The following RIMBP2 variants were observed in gnomAD, a reference collection of about 807,000 sequenced individuals.
The protein encoded by RIMBP2 is RIMS-binding protein 2.
A neutral mutation model predicts 118.6 loss-of-function variants in RIMBP2; 48 were observed. That is an observed-to-expected ratio of 0.40 (90% CI 0.32 to 0.51). The LOEUF (loss-of-function observed/expected upper bound fraction) is 0.51. Ranked by LOEUF, RIMBP2 falls within the 20% of genes least tolerant of loss-of-function variation. The pLI is 0.41. For missense variants in RIMBP2, 1,551 were observed against 1,768.3 expected (o/e 0.88, Z 2.20); for synonymous variants, 762 against 742.9 (o/e 1.03, Z -0.42).
Position 130,431,438 on chromosome 12 carries a change from C to G in RIMBP2, c.2254-3101G>C. The stretch of plus-strand genomic sequence containing the variant: ...CCACTGTCATGATGCGTCACCTAGC[C>G]AGACGCCATCTGTATGATTAATGAA... On this transcript the variant is annotated intron_variant, in intron 14 of 22. Coordinates refer to ENST00000690449, the MANE Select transcript of RIMBP2 (RefSeq NM_001393629.1). The surrounding 1 kb of genome is among the most constrained non-coding windows in gnomAD (Gnocchi z 4.0). 1 of 416,722 alleles carries G rather than the reference C, an allele frequency of 2.4e-6. No individual in the cohort carries two copies. The highest frequency in any genetic ancestry group is 1.8e-5 in the South Asian group (1 of 57,048). The allele number at this position is 416,722 out of a possible 1,614,324, so 25.8% of individuals were successfully genotyped here.
In RIMBP2 at chr12:130,454,656, C is replaced by T. The variant is rs566937973; in HGVS notation, c.358+1840G>A. On this transcript the variant is annotated intron_variant, in intron 7 of 22. Coordinates refer to ENST00000690449, the MANE Select transcript of RIMBP2 (RefSeq NM_001393629.1). ...GGTGCAAACCTTCTTCTCTGCCAGGCGGCCCTGGCTTAGTAAAGGCATGGT... is the reference window on the plus strand; with the variant it reads ...GGTGCAAACCTTCTTCTCTGCCAGGTGGCCCTGGCTTAGTAAAGGCATGGT... Among the ~76,000 whole-genome samples the T allele has an allele frequency of 2.0e-4, 31 of 152,394 alleles. No individual in the cohort carries two copies. The South Asian group carries it at 5.8e-3, about 28-fold the overall frequency.
chr12:130,506,906 C>CCCAGTCCATGA, intron 3 of RIMBP2, 136 bp from the exon 4 acceptor site: 1 of 626,834 alleles, frequency 1.6e-6, no homozygotes, highest in Non-Finnish European at 2.0e-6. Flanking sequence ...CCATCATGGA[C>CCCAGTCCATGA]TGGGTCCACT....
In RIMBP2 at chr12:130,442,730, C is replaced by A. The variant is rs2078231556; in HGVS notation, c.692-70G>T. Reference sequence around the variant, plus strand: ...GGGCCTCGAGGCCCCCAGTGTACTCCCACCTCCCCCACCAGGACCATAAGG... The same window carrying A: ...GGGCCTCGAGGCCCCCAGTGTACTCACACCTCCCCCACCAGGACCATAAGG... On this transcript the variant is annotated intron_variant, in intron 10 of 22. Coordinates refer to ENST00000690449, the MANE Select transcript of RIMBP2 (RefSeq NM_001393629.1). This position sits in a 1 kb window ranked among gnomAD's most constrained non-coding sequence, Gnocchi z 6.9. The A allele has an allele frequency of 3.1e-6, 4 of 1,271,638 alleles. No individual in the cohort carries two copies. In the South Asian group the frequency reaches 5.6e-5, roughly 18 times the overall value. 78.8% of individuals were successfully genotyped at this position (1,271,638 alleles called of 1,614,324 possible).
intron 1 of RIMBP2, among the ~76,000 whole-genome samples, chr12:130,700,099 C>G (rs904671489): frequency 3.9e-5 from 6 of 152,078 alleles, no homozygotes; most frequent in Non-Finnish European, 8.8e-5. Context: ...CCCTCCCCAG[C>G]CACCCAACTG....
intron 2 of RIMBP2, among the ~76,000 whole-genome samples, chr12:130,536,745 T>C (rs2054120611): frequency 6.6e-6 from 1 of 152,220 alleles, no homozygotes; most frequent in Non-Finnish European, 1.5e-5. Flanking sequence ...TTCTCTCAAC[T>C]GTGGGCTGGA....
chr12:130,424,482 G>C lies in RIMBP2; in HGVS notation c.2789C>G (p.Ser930Trp), dbSNP rs546827584. 150 of 1,232,000 alleles carry C rather than the reference G, an allele frequency of 1.2e-4. No individual in the cohort carries two copies. Among genetic ancestry groups the C allele is most frequent in the Non-Finnish European group, 1.5e-4 (144 of 987,866 alleles). The allele number at this position is 1,232,000 out of a possible 1,614,324, so 76.3% of individuals were successfully genotyped here. A position where few individuals can be genotyped will look rare whatever the true frequency, so the allele number is the denominator to read the frequency against. Residue 930 changes from serine to tryptophan, a missense_variant, in exon 16 of 23, where the codon TCG (serine) becomes TGG (tryptophan). Physicochemically the swap from Ser to Trp is radical, Grantham distance 177. This residue lies in a region of RIMBP2 where 1,038 missense variants were observed against 1,125.1 expected (regional missense o/e 0.92). Coordinates refer to ENST00000690449, the MANE Select transcript of RIMBP2 (RefSeq NM_001393629.1). This position sits in a 1 kb window ranked among gnomAD's most constrained non-coding sequence, Gnocchi z 9.8. The part of the protein sequence containing the change: ...GLDCGSEEDE[S>W]RFGFGNTVAA... ...CACGGTGTTTCCGAAGCCAAACCGC[G>C]ACTCGTCCTCTTCACTCCCACAGTC...
At position 130,710,422 on chromosome 12, in the gene RIMBP2, G is replaced by A. The variant is rs1949826290; in HGVS notation, c.-352+5800C>T. Among the ~76,000 whole-genome samples, 2 of 151,822 alleles carry A rather than the reference G, an allele frequency of 1.3e-5. No individual in the cohort carries two copies. The highest frequency in any genetic ancestry group is 3.9e-4 in the East Asian group (2 of 5,146). On this transcript the variant is annotated intron_variant, in intron 1 of 22. Coordinates refer to ENST00000690449, the MANE Select transcript of RIMBP2 (RefSeq NM_001393629.1). The surrounding 1 kb of genome is among the most constrained non-coding windows in gnomAD (Gnocchi z 4.3). ...TTCACTTGCCCGTTGTCTTACACAT[G>A]CACACACACACATACACGCAGGCGC...
intron 2 of RIMBP2, among the ~76,000 whole-genome samples, chr12:130,568,109 C>T (rs1486184717): frequency 1.3e-5 from 2 of 152,206 alleles, no homozygotes; most frequent in African/African-American, 4.8e-5. Flanking sequence ...AGTTAAGGTT[C>T]TCTCCATTGT....
intron 1 of RIMBP2, among the ~76,000 whole-genome samples, chr12:130,653,125 C>T (rs1294371094): frequency 6.6e-6 from 1 of 152,228 alleles, no homozygotes; most frequent in Non-Finnish European, 1.5e-5. Context: ...CCTCCAAAGT[C>T]TTAACTCATT....
intron 2 of RIMBP2, among the ~76,000 whole-genome samples, chr12:130,612,231 G>A (rs576573688): frequency 1.5e-4 from 23 of 152,248 alleles, no homozygotes; most frequent in Admixed American, 7.8e-4. Context: ...CCACCTGTTC[G>A]CTCCTCAGCC....
chr12:130,637,931 G>A (rs1247940090), intron 1 of RIMBP2, among the ~76,000 whole-genome samples: 1 of 147,262 alleles, frequency 6.8e-6, no homozygotes, highest in African/African-American at 2.5e-5. Flanking sequence ...CTTTGGCATT[G>A]ACTGTGTAGA....
intron 17 of RIMBP2, among the ~76,000 whole-genome samples, chr12:130,416,309 A>C (rs1593221822): frequency 6.6e-6 from 1 of 152,338 alleles, no homozygotes; most frequent in Middle Eastern, 3.4e-3. Flanking sequence ...GCATCACATT[A>C]CCTGACTTCA....
Position 130,442,954 on chromosome 12 carries a change from A to C in RIMBP2, c.692-294T>G, listed in dbSNP as rs147050842. Among the ~76,000 whole-genome samples, 1 of 152,272 alleles carries C rather than the reference A, an allele frequency of 6.6e-6. No homozygotes were observed. The highest frequency in any genetic ancestry group is 1.9e-4 in the East Asian group (1 of 5,180). On this transcript the variant is annotated intron_variant, in intron 10 of 22. Transcript: ENST00000690449. This position sits in a 1 kb window ranked among gnomAD's most constrained non-coding sequence, Gnocchi z 6.9. Reference sequence around the variant, plus strand: ...ACACTGACTACCCCCTCCCAACACGAACAACACTCAGGGACAGCAGGGACC... The same window carrying C: ...ACACTGACTACCCCCTCCCAACACGCACAACACTCAGGGACAGCAGGGACC...
In RIMBP2 at chr12:130,447,548, C is replaced by A. The variant is rs2078636421; in HGVS notation, c.582-2279G>T. ...TTGAGGGGCGATGGGAGACGAGGGACAGGTGATCACTGATGGGAATGGGTT... is the reference window on the plus strand; with the variant it reads ...TTGAGGGGCGATGGGAGACGAGGGAAAGGTGATCACTGATGGGAATGGGTT... On this transcript the variant is annotated intron_variant, in intron 9 of 22. Coordinates refer to ENST00000690449, the MANE Select transcript of RIMBP2 (RefSeq NM_001393629.1). This position sits in a 1 kb window ranked among gnomAD's most constrained non-coding sequence, Gnocchi z 4.4. 1.3e-5 allele frequency among the ~76,000 whole-genome samples: 2 copies of A among 151,296 alleles called. No homozygotes were observed. The highest frequency in any genetic ancestry group is 4.9e-5 in the African/African-American group (2 of 40,892).
intron 2 of RIMBP2, among the ~76,000 whole-genome samples, chr12:130,551,672 A>C (rs909654818): frequency 1.3e-5 from 2 of 152,210 alleles, no homozygotes. Flanking sequence ...CATTCTTGAC[A>C]AAAGAAAATG....
chr12:130,644,368 G>A (rs556459140), intron 1 of RIMBP2, among the ~76,000 whole-genome samples: 1 of 152,258 alleles, frequency 6.6e-6, no homozygotes, highest in African/African-American at 2.4e-5. Context: ...TGTCACCTTG[G>A]TTAAGAGCAC....
chr12:130,612,921 G>A (rs1281473159), intron 2 of RIMBP2, among the ~76,000 whole-genome samples: 2 of 143,152 alleles, frequency 1.4e-5, no homozygotes, highest in East Asian at 4.1e-4. Flanking sequence ...CCAAGTCCAG[G>A]ACCTCCCGGG....
chr12:130,694,496 C>T (rs1196526100), intron 1 of RIMBP2, among the ~76,000 whole-genome samples: 1 of 152,232 alleles, frequency 6.6e-6, no homozygotes, highest in African/African-American at 2.4e-5. Flanking sequence ...CATCGCCAAC[C>T]TCACTGTGTG....
At chr12:130,492,047 C>T (rs1235351656) in intron 4 of RIMBP2, among the ~76,000 whole-genome samples, 4 of 152,158 alleles carry the variant, frequency 2.6e-5, no homozygotes, top group Non-Finnish European at 5.9e-5. Flanking sequence ...TGGATGCTGC[C>T]TTGCCTGAGC....
Sources: gnomAD v4.1 joint callset for allele counts (sites outside exome capture counted in the v4.1 genomes callset) on GRCh38, gnomAD v4.1.1 for gene constraint, gnomAD v4.1.1 regional missense constraint, Gnocchi (gnomAD v3.1) non-coding constraint, MANE v1.5 for transcripts, NCBI Gene and HGNC (gene_info 2026-07-23, HGNC 2026-07-21) for gene names.